Variants in SULF2 observed in about 807,000 individuals in gnomAD.
The protein encoded by SULF2 is sulfatase 2, also known as extracellular sulfatase Sulf-2.
Under a neutral mutation model 107.7 loss-of-function variants are expected in SULF2, and 52 were observed. The ratio of observed to expected loss-of-function variants is 0.48; its 90% CI spans 0.39 to 0.61. The LOEUF is 0.61. Among genes scored for constraint, SULF2 ranks in the 20% least tolerant of loss-of-function variants. The probability of loss-of-function intolerance (pLI) is 0.00; values close to 1 mark genes in which losing one functional copy is unlikely to be tolerated. For missense variants in SULF2, 993 were observed against 1,177.3 expected (o/e 0.84, Z 2.29); for synonymous variants, 460 against 464.3 (o/e 0.99, Z 0.12).
chr20:47,739,701 A>G (rs2089832231), intron 2 of SULF2, among the ~76,000 whole-genome samples: 1 of 152,226 alleles, frequency 6.6e-6, no homozygotes, highest in Admixed American at 6.5e-5. Flanking sequence ...TGCTGCCTTC[A>G]CCACAAGGGC....
chr20:47,782,724 G>A (rs1399054506), intron 1 of SULF2, among the ~76,000 whole-genome samples: 2 of 152,146 alleles, frequency 1.3e-5, no homozygotes, highest in African/African-American at 4.8e-5. Flanking sequence ...TTGACTGGGG[G>A]AGGGGACAGT....
chr20:47,750,443 A>C lies in SULF2; in HGVS notation c.175+6746T>G, dbSNP rs117099116. Among the ~76,000 whole-genome samples, 10 of 152,226 alleles carry C rather than the reference A, an allele frequency of 6.6e-5. No individual in the cohort carries two copies. In the East Asian group the frequency reaches 1.7e-3, roughly 26 times the overall value. ...TACCTTTGAAATATGACCAGCACTTACTACTTTCCTCACTCTGGTCTGAAC... is the reference window on the plus strand; with the variant it reads ...TACCTTTGAAATATGACCAGCACTTCCTACTTTCCTCACTCTGGTCTGAAC... On this transcript the variant is annotated intron_variant, in intron 2 of 20. Transcript: ENST00000688720.
chr20:47,701,019 T>C (rs1322373813), intron 4 of SULF2, among the ~76,000 whole-genome samples: 1 of 152,166 alleles, frequency 6.6e-6, no homozygotes, highest in Non-Finnish European at 1.5e-5. Context: ...AATGGGTGCA[T>C]ATGTCCACTA....
At chr20:47,658,431 C>T (rs1451352162) in intron 20 of SULF2, 39 bp from the exon 21 acceptor site, 2 of 1,609,656 alleles carry the variant, frequency 1.2e-6, no homozygotes, top group Non-Finnish European at 1.7e-6. Context: ...ACTTAGCTAT[C>T]ATGGTCTTTA....
intron 17 of SULF2, 81 bp from the exon 18 acceptor site, chr20:47,661,977 T>G: frequency 7.4e-7 from 1 of 1,344,188 alleles, no homozygotes; most frequent in Non-Finnish European, 9.7e-7. Context: ...GGGGACATAT[T>G]TCAGGCAGGT....
chr20:47,760,434 C>T (rs872111), intron 1 of SULF2, among the ~76,000 whole-genome samples: 30,736 of 151,902 alleles, frequency 0.2, 3,609 homozygotes, highest in East Asian at 0.3. Flanking sequence ...CTGGCTCTAG[C>T]GTCTCCCCAG....
chr20:47,664,882 T>C (rs2087208328), intron 14 of SULF2, among the ~76,000 whole-genome samples: 1 of 152,200 alleles, frequency 6.6e-6, no homozygotes, highest in Non-Finnish European at 1.5e-5. Context: ...GCCGGGAACA[T>C]GGACCTCAAA....
At chr20:47,670,795 A>G (rs1418792134) in intron 11 of SULF2, among the ~76,000 whole-genome samples, 1 of 150,814 alleles carries the variant, frequency 6.6e-6, no homozygotes, top group East Asian at 2.0e-4. Flanking sequence ...TTTAGCAGAT[A>G]GGTTGCGTAC....
At chr20:47,742,927 ATTTTTTT>A (rs397837137) in intron 2 of SULF2, among the ~76,000 whole-genome samples, 17,482 of 97,338 alleles carry the variant, frequency 0.18, 1,026 homozygotes, top group African/African-American at 0.29. Flanking sequence ...TCAAAACATG[ATTTTTTT>A]TTTTTTTTTT....
intron 1 of SULF2, among the ~76,000 whole-genome samples, chr20:47,771,978 G>A (rs1177065283): frequency 6.6e-6 from 1 of 152,194 alleles, no homozygotes; most frequent in Non-Finnish European, 1.5e-5. Flanking sequence ...CTGATTTGAG[G>A]CAAATGGTAC....
chr20:47,725,867 A>C (rs2089428194), intron 3 of SULF2, among the ~76,000 whole-genome samples: 1 of 152,146 alleles, frequency 6.6e-6, no homozygotes, highest in Non-Finnish European at 1.5e-5. Context: ...TCATTTGCTC[A>C]AATCCCCTGC....
At chr20:47,785,603 G>T (rs1449518422), upstream of SULF2, 2 of 144,990 alleles carry the variant, frequency 1.4e-5, no homozygotes, top group African/African-American at 5.0e-5. Context: ...TCCGCACCCC[G>T]CCCGGACCGC....
At chr20:47,736,383 A>G (rs1337389495) in intron 3 of SULF2, among the ~76,000 whole-genome samples, 1 of 152,214 alleles carries the variant, frequency 6.6e-6, no homozygotes, top group Non-Finnish European at 1.5e-5. Context: ...GATGGGCTTA[A>G]TAACTATTAA....
At chr20:47,674,681 A>G (rs1183711588) in intron 10 of SULF2, among the ~76,000 whole-genome samples, 7 of 152,196 alleles carry the variant, frequency 4.6e-5, no homozygotes, top group Non-Finnish European at 7.4e-5. Flanking sequence ...GCAAATGACA[A>G]AAAAACATCT....
chr20:47,759,006 G>A (rs1277303181), intron 1 of SULF2, among the ~76,000 whole-genome samples: 1 of 152,168 alleles, frequency 6.6e-6, no homozygotes, highest in Non-Finnish European at 1.5e-5. Context: ...GGGGTCTCCC[G>A]CCTCCCTCTT....
At chr20:47,717,702 T>C (rs1350720271) in intron 3 of SULF2, among the ~76,000 whole-genome samples, 1 of 152,122 alleles carries the variant, frequency 6.6e-6, no homozygotes, top group Non-Finnish European at 1.5e-5. Context: ...AGGAAGGTCA[T>C]TCCCAGGACC....
At chr20:47,668,456 T>G (rs1218288465) in intron 11 of SULF2, among the ~76,000 whole-genome samples, 1 of 152,204 alleles carries the variant, frequency 6.6e-6, no homozygotes, top group Non-Finnish European at 1.5e-5. Flanking sequence ...TCACTCTGTG[T>G]TCATGTCCAG....
Position 47,663,602 on chromosome 20 carries a change from T to G in SULF2, c.2078A>C (p.Asp693Ala), listed in dbSNP as rs761980849. The G allele has an allele frequency of 1.6e-5, 26 of 1,598,992 alleles. 1 individual carries two copies. In the South Asian group the frequency reaches 2.8e-4, roughly 17 times the overall value. The change falls in exon 16 of 21, where the codon GAC becomes GCC. Residue 693 changes from aspartate (D) to alanine (A), a missense_variant. Asp to Ala is a moderately radical substitution (Grantham distance 126). Coordinates refer to ENST00000688720, the MANE Select transcript of SULF2 (RefSeq NM_001387048.1). ...HPFRKGLQEK[D>A]KVWLLREQKR... is the part of the protein sequence containing the mutation. ...CTGCTCCCGCAACAGCCACACCTTG[T>G]CCTTCTCTTGCAGGCCCTTCCTATG...
At chr20:47,757,159 G>C (rs1042499152) in intron 2 of SULF2, 30 bp downstream of exon 2, 9 of 1,529,962 alleles carry the variant, frequency 5.9e-6, no homozygotes, top group African/African-American at 1.4e-5. Context: ...CCGAGGGGCC[G>C]AGGTGCCACC....
Sources: allele counts gnomAD v4.1 joint callset (sites outside exome capture counted in the v4.1 genomes callset), GRCh38; gene constraint gnomAD v4.1.1; transcripts MANE v1.5; gene names NCBI Gene and HGNC (gene_info 2026-07-23, HGNC 2026-07-21).